SMAP1: variants seen among roughly 807,000 people sequenced by gnomAD.
SMAP1 encodes stromal membrane-associated protein 1.
Under a neutral mutation model 58.5 loss-of-function variants are expected in SMAP1, and 24 were observed. The ratio of observed to expected loss-of-function variants is 0.41; its 90% confidence interval spans 0.30 to 0.58. The LOEUF (loss-of-function observed/expected upper bound fraction) is 0.58, where lower values mean the gene tolerates loss of function less well. Ranked by LOEUF, SMAP1 falls within the 20% of genes least tolerant of loss-of-function variation. The pLI, the probability that SMAP1 is intolerant of heterozygous loss-of-function variation, is 0.29. For missense variants in SMAP1, 563 were observed against 566.3 expected (o/e 0.99, Z 0.06); for synonymous variants, 216 against 196.6 (o/e 1.10, Z -0.82).
At chr6:70,770,848 T>C (rs1767261348) in intron 3 of SMAP1, among the ~76,000 whole-genome samples, 2 of 152,210 alleles carry the variant, frequency 1.3e-5, no homozygotes, top group Admixed American at 6.5e-5. Context: ...TTTCCAGTTT[T>C]TCTGCTCTGT....
chr6:70,798,449 T>C (rs1289991042), intron 5 of SMAP1, among the ~76,000 whole-genome samples: 1 of 152,064 alleles, frequency 6.6e-6, no homozygotes, highest in Non-Finnish European at 1.5e-5. Flanking sequence ...TCTGTCTTAA[T>C]TTTTTAACAG....
At chr6:70,834,600 T>C (rs1375903508) in intron 6 of SMAP1, among the ~76,000 whole-genome samples, 1 of 152,186 alleles carries the variant, frequency 6.6e-6, no homozygotes, top group Non-Finnish European at 1.5e-5. Flanking sequence ...AAGACACTCT[T>C]CAGAGTATTA....
intron 6 of SMAP1, among the ~76,000 whole-genome samples, chr6:70,801,297 G>T (rs1280755190): frequency 6.6e-6 from 1 of 152,024 alleles, no homozygotes; most frequent in Non-Finnish European, 1.5e-5. Flanking sequence ...TCATATATCT[G>T]TTGGCTGCAT....
intron 3 of SMAP1, among the ~76,000 whole-genome samples, chr6:70,767,148 A>C (rs1419813326): frequency 1.3e-5 from 2 of 152,070 alleles, no homozygotes; most frequent in African/African-American, 2.4e-5. Context: ...TGGTTACTGT[A>C]GCCTTGTAGT....
chr6:70,804,148 C>T (rs977062146), intron 6 of SMAP1, among the ~76,000 whole-genome samples: 2 of 152,088 alleles, frequency 1.3e-5, no homozygotes, highest in South Asian at 2.1e-4. Context: ...TCTCTAAGGA[C>T]TTGCTTTATG....
At chr6:70,668,322 G>T (rs949060001) in intron 1 of SMAP1, among the ~76,000 whole-genome samples, 181 bp downstream of exon 1, 1 of 152,046 alleles carries the variant, frequency 6.6e-6, no homozygotes, top group South Asian at 2.1e-4. Context: ...AAGTCCGCCA[G>T]AGGCGGCGGC....
intron 1 of SMAP1, among the ~76,000 whole-genome samples, chr6:70,731,133 A>G (rs542549855): frequency 2.0e-4 from 30 of 152,342 alleles, no homozygotes; most frequent in African/African-American, 5.3e-4. Flanking sequence ...TACTATATAC[A>G]TACATTTTTC....
intron 5 of SMAP1, among the ~76,000 whole-genome samples, chr6:70,797,408 G>A (rs931013443): frequency 3.6e-4 from 54 of 152,062 alleles, no homozygotes; most frequent in African/African-American, 1.3e-3. Context: ...TTACCACTTT[G>A]AAAGCTCCTG....
At chr6:70,851,878 G>C (rs924934504) in intron 7 of SMAP1, among the ~76,000 whole-genome samples, 2 of 152,092 alleles carry the variant, frequency 1.3e-5, no homozygotes, top group Non-Finnish European at 2.9e-5. Flanking sequence ...AATAAATAAA[G>C]GACTTATTTT....
intron 3 of SMAP1, among the ~76,000 whole-genome samples, chr6:70,756,733 C>T (rs1267815332): frequency 6.6e-6 from 1 of 152,084 alleles, no homozygotes; most frequent in African/African-American, 2.4e-5. Flanking sequence ...AACAGACAAA[C>T]AGAGAGCCAA....
intron 2 of SMAP1, among the ~76,000 whole-genome samples, chr6:70,742,629 T>A (rs1295663858): frequency 6.6e-6 from 1 of 152,194 alleles, no homozygotes; most frequent in Non-Finnish European, 1.5e-5. Context: ...GTTCCCCAGT[T>A]CCAAAGTCAC....
intron 8 of SMAP1, among the ~76,000 whole-genome samples, chr6:70,853,910 C>T (rs1246975393): frequency 1.3e-5 from 2 of 152,170 alleles, no homozygotes; most frequent in Non-Finnish European, 2.9e-5. Flanking sequence ...CATTGTAGTG[C>T]GGCTGTTATA....
chr6:70,704,908 A>G (rs1473630479), intron 1 of SMAP1, among the ~76,000 whole-genome samples: 2 of 152,164 alleles, frequency 1.3e-5, no homozygotes, highest in Non-Finnish European at 2.9e-5. Flanking sequence ...TTCCACTTCA[A>G]GCTGAAAGGG....
chr6:70,786,357 G>A (rs1326464769), intron 4 of SMAP1, among the ~76,000 whole-genome samples: 2 of 144,402 alleles, frequency 1.4e-5, no homozygotes, highest in African/African-American at 2.6e-5. Context: ...TACTGAATGG[G>A]CAAAAACTGG....
At chr6:70,710,020 G>C (rs921819206) in intron 1 of SMAP1, among the ~76,000 whole-genome samples, 1 of 152,010 alleles carries the variant, frequency 6.6e-6, no homozygotes, top group Non-Finnish European at 1.5e-5. Context: ...GACTCATAGA[G>C]TGTACTTACA....
intron 6 of SMAP1, among the ~76,000 whole-genome samples, chr6:70,822,673 TG>T (rs1204175479): frequency 1.3e-5 from 2 of 152,182 alleles, no homozygotes; most frequent in Non-Finnish European, 2.9e-5. Context: ...GCTTCCTGGA[TG>T]TGTGGTTTTG....
At chr6:70,855,614 A>G (rs761526172) in intron 8 of SMAP1, among the ~76,000 whole-genome samples, 10 of 152,208 alleles carry the variant, frequency 6.6e-5, no homozygotes, top group South Asian at 2.1e-4. Flanking sequence ...ACTTAATCCA[A>G]CCATTGTGCA....
At chr6:70,729,013 T>TC (rs975366293) in intron 1 of SMAP1, among the ~76,000 whole-genome samples, 1 of 152,172 alleles carries the variant, frequency 6.6e-6, no homozygotes, top group Non-Finnish European at 1.5e-5. Context: ...CTTTTTTTTT[T>TC]CCCTGTTTTT....
In SMAP1 at chr6:70,860,796, A is replaced by G. The variant is rs1287247855; in HGVS notation, c.*462A>G. On this transcript the variant is annotated 3_prime_UTR_variant, in exon 11 of 11. Transcript: ENST00000370455. ...AATGTCTCACTGAGCACTGTTTTCT[A>G]GTGTATCAAAATGCTCTTATTTCAT... is the stretch of plus-strand genomic sequence containing the variant. The G allele has an allele frequency of 7.5e-6, 3 of 398,434 alleles. No individual in the cohort carries two copies. Among genetic ancestry groups the G allele is most frequent in the African/African-American group, 4.1e-5 (2 of 48,594 alleles). The allele number at this position is 398,434 out of a possible 1,614,324, so 24.7% of individuals were successfully genotyped here.
Sources: gnomAD v4.1 joint callset for allele counts (sites outside exome capture counted in the v4.1 genomes callset) on GRCh38, gnomAD v4.1.1 for gene constraint, MANE v1.5 for transcripts, NCBI Gene and HGNC (gene_info 2026-07-23, HGNC 2026-07-21) for gene names.